NPR3: variants seen among roughly 807,000 people sequenced by gnomAD.
The protein encoded by NPR3 is natriuretic peptide receptor 3.
In NPR3, 34 loss-of-function variants were observed where a neutral mutation model predicts 54.5. The observed-to-expected ratio is 0.62, with a 90% confidence interval of 0.47 to 0.83. The LOEUF (loss-of-function observed/expected upper bound fraction) is 0.83, where lower values mean the gene tolerates loss of function less well. Ranked by LOEUF, NPR3 falls within the 40% of genes least tolerant of loss-of-function variation. The probability of loss-of-function intolerance (pLI) is 0.00; values close to 1 mark genes in which losing one functional copy is unlikely to be tolerated. For synonymous variants in NPR3, 289 were observed against 297.1 expected (o/e 0.97, Z 0.28); for missense variants, 674 against 720.8 (o/e 0.94, Z 0.74).
intron 3 of NPR3, among the ~76,000 whole-genome samples, chr5:32,768,363 T>TG (rs1741585378): frequency 6.6e-6 from 1 of 152,216 alleles, no homozygotes; most frequent in Non-Finnish European, 1.5e-5. Flanking sequence ...CATCTGTATA[T>TG]GACGCATGTG....
chr5:32,743,609 G>A (rs1740144717), intron 3 of NPR3, among the ~76,000 whole-genome samples: 2 of 152,184 alleles, frequency 1.3e-5, no homozygotes, highest in Non-Finnish European at 2.9e-5. Context: ...CCTCAAGACT[G>A]AATCGTTCTA....
chr5:32,717,443 G>A lies in NPR3; in HGVS notation c.769+4898G>A, dbSNP rs556326702. On this transcript the variant is annotated intron_variant, in intron 1 of 7. Transcript: ENST00000265074. ...GAATTGCCACACTGTCTTCCACAAT[G>A]GTTGAACTATAATTTACACTCCCAC... 1.5e-3 allele frequency among the ~76,000 whole-genome samples: 223 copies of A among 152,256 alleles called. 1 individual carries two copies. The highest frequency in any genetic ancestry group is 5.3e-3 in the African/African-American group (220 of 41,544).
intron 1 of NPR3, among the ~76,000 whole-genome samples, chr5:32,699,275 C>T (rs1049303474): frequency 1.1e-4 from 16 of 152,034 alleles, no homozygotes; most frequent in Non-Finnish European, 1.9e-4. Context: ...AAACTCTGCG[C>T]TTCATTTTTG....
chr5:32,732,576 A>G (rs1739519665), intron 2 of NPR3, among the ~76,000 whole-genome samples: 1 of 152,190 alleles, frequency 6.6e-6, no homozygotes. Context: ...GCAACTGTCC[A>G]TCTTCCACAG....
At chr5:32,742,263 A>T (rs1740075852) in intron 3 of NPR3, among the ~76,000 whole-genome samples, 2 of 152,084 alleles carry the variant, frequency 1.3e-5, no homozygotes, top group South Asian at 4.1e-4. Flanking sequence ...GAATCACATG[A>T]CCTAGGAATA....
chr5:32,724,812 C>G lies in NPR3; in HGVS notation c.884C>G (p.Ser295Cys). 2.5e-6 allele frequency: 4 copies of G among 1,613,878 alleles called. No homozygotes were observed. The highest frequency in any genetic ancestry group is 3.3e-4 in the Middle Eastern group (2 of 6,062). The change falls in exon 2 of 8, where the codon TCT (serine) becomes TGT (cysteine). Residue 295 changes from serine (S) to cysteine (C), a missense_variant. Coordinates refer to ENST00000265074, the MANE Select transcript of NPR3 (RefSeq NM_001204375.2). ...AFFNIELFNS[S>C]SYGDGSWKRG... ...TTCAACATTGAGCTCTTCAACAGCT[C>G]TTCCTATGGTAACTCTGCTTCCACT...
At chr5:32,710,777 G>C, upstream of NPR3, 1 of 1,544,774 alleles carries the variant, frequency 6.5e-7, no homozygotes, top group Non-Finnish European at 8.7e-7. Flanking sequence ...TGGCCAGAAC[G>C]AGAAAGGTGA....
At chr5:32,711,080 AGGCAGAG>A (rs1203404986), upstream of NPR3, among the ~76,000 whole-genome samples, 4 of 152,048 alleles carry the variant, frequency 2.6e-5, no homozygotes, top group African/African-American at 9.7e-5. Flanking sequence ...TTTAAGGAAA[AGGCAGAG>A]GGCCTGCGGG....
chr5:32,696,746 T>A (rs541002170), intron 1 of NPR3, among the ~76,000 whole-genome samples: 2 of 152,278 alleles, frequency 1.3e-5, no homozygotes, highest in African/African-American at 4.8e-5. Flanking sequence ...GTATTTTATT[T>A]TATTTTTAGC....
chr5:32,708,781 T>TA (rs1010144263), upstream of NPR3, among the ~76,000 whole-genome samples: 65 of 152,352 alleles, frequency 4.3e-4, no homozygotes, highest in African/African-American at 1.5e-3. Flanking sequence ...TCCATACACT[T>TA]ACATTACTTG....
chr5:32,735,754 C>T (rs868238850), intron 2 of NPR3, among the ~76,000 whole-genome samples: 1 of 152,324 alleles, frequency 6.6e-6, no homozygotes, highest in Middle Eastern at 3.4e-3. Flanking sequence ...GGGCGTCATG[C>T]CAAGCCGACC....
intron 2 of NPR3, among the ~76,000 whole-genome samples, chr5:32,729,025 T>TTG (rs1554014397): frequency 9.8e-6 from 1 of 102,180 alleles, no homozygotes; most frequent in African/African-American, 4.7e-5. Context: ...TTTTTTTTTT[T>TTG]TTTTGTTTTG....
chr5:32,753,864 T>G (rs1740700323), intron 3 of NPR3, among the ~76,000 whole-genome samples: 1 of 152,190 alleles, frequency 6.6e-6, no homozygotes. Context: ...GAGACATGTC[T>G]TCAGTCAGGC....
chr5:32,722,922 T>C (rs1738939760), intron 1 of NPR3, among the ~76,000 whole-genome samples: 1 of 152,106 alleles, frequency 6.6e-6, no homozygotes, highest in Non-Finnish European at 1.5e-5. Flanking sequence ...AGATCTTTAA[T>C]ATTTGTACTG....
intron 3 of NPR3, among the ~76,000 whole-genome samples, chr5:32,753,323 C>CT (rs3066352): frequency 0.01 from 1,492 of 145,612 alleles, 20 homozygotes; most frequent in African/African-American, 0.034. Context: ...ATGCTATTTT[C>CT]TTTTTTTTTT....
At position 32,711,869 on chromosome 5, in the gene NPR3, CGGCGGCGGTGGCGCGGGCATA is replaced by C. The variant is rs1436381053; in HGVS notation, c.102_122del (p.Gly35_Gly41del). On this transcript the variant is annotated inframe_deletion, in exon 1 of 8. Transcript: ENST00000265074. ...GCACCGGTGGCGGTGGCGTTGGCGGCGGCGGCGGTGGCGCGGGCATAGGCGGCGGACGCCAGGAGAGAGAGG... is the reference window on the plus strand; with the variant it reads ...GCACCGGTGGCGGTGGCGTTGGCGGCGGCGGCGGACGCCAGGAGAGAGAGG... The C allele has an allele frequency of 8.3e-5, 121 of 1,463,460 alleles. No individual in the cohort carries two copies. Among genetic ancestry groups the C allele is most frequent in the Non-Finnish European group, 1.1e-4 (118 of 1,110,306 alleles). 90.7% of individuals were successfully genotyped at this position (1,463,460 alleles called of 1,614,324 possible). A position where few individuals can be genotyped will look rare whatever the true frequency, so the allele number is the denominator to read the frequency against.
intron 6 of NPR3, 131 bp from the exon 7 acceptor site, chr5:32,784,665 A>G (rs1327831395): frequency 4.4e-6 from 3 of 683,046 alleles, no homozygotes; most frequent in African/African-American, 1.8e-5. Context: ...AGGGTCCCTT[A>G]GAAAATATTT....
intron 3 of NPR3, among the ~76,000 whole-genome samples, chr5:32,768,790 G>C (rs1162361271): frequency 2.0e-5 from 3 of 152,194 alleles, no homozygotes; most frequent in Non-Finnish European, 1.5e-5. Flanking sequence ...CTGAGTCCAC[G>C]ATGGGGACAG....
intron 3 of NPR3, among the ~76,000 whole-genome samples, chr5:32,745,617 CCTGAAGATTAT>C (rs1740257172): frequency 6.6e-6 from 1 of 152,170 alleles, no homozygotes; most frequent in Admixed American, 6.5e-5. Flanking sequence ...AAACCCATGA[CCTGAAGATTAT>C]GTGTCTCAGG....
Sources: allele counts gnomAD v4.1 joint callset (sites outside exome capture counted in the v4.1 genomes callset), GRCh38; gene constraint gnomAD v4.1.1; transcripts MANE v1.5; gene names NCBI Gene and HGNC (gene_info 2026-07-23, HGNC 2026-07-21).